Variants in XPO7 observed in about 807,000 individuals in gnomAD.
XPO7 encodes exportin 7.
A neutral mutation model predicts 144.3 loss-of-function variants in XPO7; 21 were observed. The ratio of observed to expected loss-of-function variants is 0.15; its 90% confidence interval spans 0.10 to 0.21. XPO7 has a LOEUF of 0.21. Ranked by LOEUF, XPO7 falls within the 10% of genes least tolerant of loss-of-function variation. XPO7 has a pLI of 1.00. For synonymous variants in XPO7, 580 were observed against 499.6 expected (o/e 1.16, Z -2.15); for missense variants, 808 against 1,325.8 (o/e 0.61, Z 6.06).
chr8:21,987,834 C>T lies in XPO7; in HGVS notation c.1764C>T (p.Val588=). ...EVLGLNDETM[V]LSVFIGKIIT... The stretch of plus-strand genomic sequence containing the variant: ...TGGGCTTGAATGATGAGACCATGGT[C>T]CTAAGCGTCTTCATAGGAAAAATGT... Residue 588 remains valine, a synonymous_variant, in exon 15 of 28, where the codon GTC becomes GTT. Transcript: ENST00000252512. The T allele has an allele frequency of 6.2e-7, 1 of 1,613,870 alleles. No individual in the cohort carries two copies. The highest frequency in any genetic ancestry group is 8.5e-7 in the Non-Finnish European group (1 of 1,179,814).
rs957850959 is a variant in XPO7, at chr8:21,998,987, T to C, written c.2429-104T>C. ...TACATGTGCATTAGAGTGCCACCTG[T>C]CACCAGGGGCCTACTGGAATTTGTA... On this transcript the variant is annotated intron_variant, in intron 22 of 27. Transcript: ENST00000252512. 5 of 1,483,418 alleles carry C rather than the reference T, an allele frequency of 3.4e-6. No individual in the cohort carries two copies. The Admixed American group carries it at 8.7e-5, about 26-fold the overall frequency. The allele number at this position is 1,483,418 out of a possible 1,614,324, so 91.9% of individuals were successfully genotyped here. A position where few individuals can be genotyped will look rare whatever the true frequency, so the allele number is the denominator to read the frequency against.
intron 1 of XPO7, among the ~76,000 whole-genome samples, chr8:21,928,186 T>G (rs1322307067): frequency 6.6e-6 from 1 of 152,266 alleles, no homozygotes; most frequent in Non-Finnish European, 1.5e-5. Flanking sequence ...ATGGACTTAC[T>G]GTATACTCTT....
chr8:21,989,110 G>A, intron 16 of XPO7, 27 bp downstream of exon 16: 1 of 1,590,796 alleles, frequency 6.3e-7, no homozygotes, highest in South Asian at 1.1e-5. Flanking sequence ...TAACTTCTGT[G>A]CACAACAGAA....
intron 1 of XPO7, among the ~76,000 whole-genome samples, chr8:21,948,654 G>A (rs1203487058): frequency 3.9e-5 from 6 of 152,022 alleles, no homozygotes; most frequent in Non-Finnish European, 8.8e-5. Flanking sequence ...GCCTTTTCAT[G>A]TGGTTCAACC....
chr8:21,929,991 A>G (rs1810591573), intron 1 of XPO7, among the ~76,000 whole-genome samples: 1 of 152,242 alleles, frequency 6.6e-6, no homozygotes, highest in African/African-American at 2.4e-5. Flanking sequence ...CCATCCTAGA[A>G]ATAAATGTTT....
Position 22,003,259 on chromosome 8 carries a change from G to A in XPO7, c.2984G>A (p.Cys995Tyr). The A allele has an allele frequency of 6.2e-7, 1 of 1,613,288 alleles. No individual in the cohort carries two copies. The highest frequency in any genetic ancestry group is 8.5e-7 in the Non-Finnish European group (1 of 1,179,634). ...CTGAACATCATCATCTTTGAAGACT[G>A]TAGGAACCAGTGGTCTATGTCCCGA... is the stretch of plus-strand genomic sequence containing the variant. The part of the protein sequence containing the change: ...TVLNIIIFED[C>Y]RNQWSMSRPL... Residue 995 changes from cysteine (C) to tyrosine (Y), a missense_variant, in exon 26 of 28, where the codon TGT (cysteine) becomes TAT (tyrosine). Transcript: ENST00000252512.
intron 21 of XPO7, among the ~76,000 whole-genome samples, chr8:21,997,986 T>C (rs1443420165): frequency 6.6e-6 from 1 of 152,216 alleles, no homozygotes; most frequent in Non-Finnish European, 1.5e-5. Context: ...TCTGTCTGGC[T>C]TCTTTTGGAC....
At chr8:22,002,001 G>A (rs766231927) in intron 24 of XPO7, 111 bp from the exon 25 acceptor site, 39 of 1,309,400 alleles carry the variant, frequency 3.0e-5, no homozygotes, top group Non-Finnish European at 3.8e-5. Context: ...TTGAGCAACC[G>A]CCTTGGTTGA....
chr8:21,992,071 C>A, intron 19 of XPO7, 97 bp downstream of exon 19: 1 of 845,340 alleles, frequency 1.2e-6, no homozygotes, highest in Non-Finnish European at 1.8e-6. Flanking sequence ...ACTGCCATAG[C>A]TTTTTTTAAT....
intron 1 of XPO7, among the ~76,000 whole-genome samples, chr8:21,943,619 T>C (rs1811065438): frequency 6.6e-6 from 1 of 152,198 alleles, no homozygotes; most frequent in Non-Finnish European, 1.5e-5. Context: ...TGAGAGTAAA[T>C]ACAGAATCCT....
intron 27 of XPO7, 122 bp downstream of exon 27, chr8:22,004,152 G>T (rs10866837): frequency 7.9e-7 from 1 of 1,262,766 alleles, no homozygotes; most frequent in African/African-American, 1.5e-5. Flanking sequence ...GCAATGCAAT[G>T]CAATAGAAAA....
At chr8:21,980,296 A>T in intron 9 of XPO7, 93 bp downstream of exon 9, 1 of 1,416,018 alleles carries the variant, frequency 7.1e-7, no homozygotes, top group Non-Finnish European at 9.4e-7. Flanking sequence ...CCCAGTAAAC[A>T]ATTCAGTCTG....
chr8:21,948,171 A>C (rs1364973603), intron 1 of XPO7, among the ~76,000 whole-genome samples: 1 of 152,264 alleles, frequency 6.6e-6, no homozygotes, highest in Non-Finnish European at 1.5e-5. Flanking sequence ...AGATTTCACA[A>C]TGCAGTCATG....
intron 24 of XPO7, among the ~76,000 whole-genome samples, chr8:22,001,133 C>CA (rs1489768922): frequency 1.3e-5 from 2 of 152,014 alleles, no homozygotes; most frequent in African/African-American, 4.8e-5. Context: ...GCCAATATGG[C>CA]AAAACCCTGT....
At chr8:21,992,326 TGTG>T (rs1033447050) in intron 19 of XPO7, among the ~76,000 whole-genome samples, 2 of 152,314 alleles carry the variant, frequency 1.3e-5, no homozygotes, top group African/African-American at 4.8e-5. Flanking sequence ...TTCTTAAAAT[TGTG>T]GTAAAAAACA....
At chr8:21,990,138 C>T (rs769203404) in intron 16 of XPO7, among the ~76,000 whole-genome samples, 5 of 151,862 alleles carry the variant, frequency 3.3e-5, no homozygotes, top group Non-Finnish European at 5.9e-5. Context: ...CGTGAGCCAC[C>T]GCGCCCGGCC....
chr8:21,943,784 G>A (rs891418179), intron 1 of XPO7, among the ~76,000 whole-genome samples: 3 of 152,124 alleles, frequency 2.0e-5, no homozygotes, highest in African/African-American at 7.2e-5. Context: ...GGAATATCAT[G>A]GGAAGATAAG....
At chr8:21,959,644 A>T (rs1023714482) in intron 1 of XPO7, among the ~76,000 whole-genome samples, 2 of 145,706 alleles carry the variant, frequency 1.4e-5, no homozygotes, top group Admixed American at 6.8e-5. Flanking sequence ...TTCTCACTTT[A>T]AAAAAAAAAT....
intron 1 of XPO7, chr8:21,966,294 T>C (rs747801858): frequency 2.6e-6 from 2 of 780,648 alleles, no homozygotes; most frequent in South Asian, 1.3e-5. Context: ...ACTTTAGACA[T>C]GAGGGATCCA....
Sources: gnomAD v4.1 joint callset for allele counts (sites outside exome capture counted in the v4.1 genomes callset) on GRCh38, gnomAD v4.1.1 for gene constraint, MANE v1.5 for transcripts, NCBI Gene and HGNC (gene_info 2026-07-23, HGNC 2026-07-21) for gene names.